Variants in ASB9 observed in about 807,000 individuals in gnomAD.
ASB9 encodes ankyrin repeat and SOCS box protein 9.
ASB9 carries 5 observed loss-of-function variants against 16.6 expected under a neutral mutation model. That is an observed-to-expected ratio of 0.30 (90% CI 0.16 to 0.63). The LOEUF is 0.63. ASB9 is among the 30% of genes least tolerant of loss of function. The probability of loss-of-function intolerance (pLI) is 0.82; values close to 1 mark genes in which losing one functional copy is unlikely to be tolerated. For synonymous variants in ASB9, 100 were observed against 86.4 expected (o/e 1.16, Z -0.87); for missense variants, 216 against 229.4 (o/e 0.94, Z 0.38).
At chrX:15,263,624 C>T (rs1254131100) in intron 1 of ASB9, among the ~76,000 whole-genome samples, 1 of 108,280 alleles carries the variant, frequency 9.2e-6, no homozygotes, top group Non-Finnish European at 1.9e-5. Flanking sequence ...ATAAAGCTGC[C>T]TTCTCCAAAG....
At chrX:15,265,202 A>G (rs1312508437) in intron 1 of ASB9, among the ~76,000 whole-genome samples, 1 of 111,344 alleles carries the variant, frequency 9.0e-6, no homozygotes, top group Non-Finnish European at 1.9e-5. Flanking sequence ...CTAACCTGTG[A>G]TCGTTCCTAA....
At chrX:15,247,617 T>A (rs541582640) in intron 6 of ASB9, among the ~76,000 whole-genome samples, 7 of 112,993 alleles carry the variant, frequency 6.2e-5, no homozygotes, top group Middle Eastern at 4.6e-3. Flanking sequence ...ATTCATTTTT[T>A]ATTCTGATTG....
chrX:15,258,798 T>G, intron 2 of ASB9, 68 bp downstream of exon 2: 2 of 885,841 alleles, frequency 2.3e-6, no homozygotes, highest in South Asian at 4.2e-5. Flanking sequence ...AGTCCCTATG[T>G]TATTATGTCA....
At chrX:15,246,404 A>C (rs1450109894) in intron 6 of ASB9, among the ~76,000 whole-genome samples, 1 of 112,098 alleles carries the variant, frequency 8.9e-6, no homozygotes, top group Non-Finnish European at 1.9e-5. Context: ...AAACCAGCTA[A>C]TTGTGTATTT....
At chrX:15,270,118 C>G (rs1404594188), upstream of ASB9, 1 of 249,268 alleles carries the variant, frequency 4.0e-6, no homozygotes, top group African/African-American at 3.5e-5. Context: ...ACACGTTTTA[C>G]CTAACTGGCT....
At chrX:15,262,860 G>C (rs1926086673) in intron 1 of ASB9, among the ~76,000 whole-genome samples, 1 of 112,166 alleles carries the variant, frequency 8.9e-6, no homozygotes, top group African/African-American at 3.2e-5. Flanking sequence ...TCCAACTCCT[G>C]ACCTCAAGTG....
chrX:15,249,057 C>A, intron 5 of ASB9, 122 bp from the exon 6 acceptor site: 1 of 683,982 alleles, frequency 1.5e-6, no homozygotes, highest in Non-Finnish European at 2.1e-6. Flanking sequence ...CACAGCAATC[C>A]TGGAAAAATG....
At chrX:15,266,580 G>A (rs975410463) in intron 1 of ASB9, among the ~76,000 whole-genome samples, 5 of 111,734 alleles carry the variant, frequency 4.5e-5, no homozygotes, top group Non-Finnish European at 9.4e-5. Context: ...CAAGCACCAT[G>A]CCTTTGCGTA....
intron 1 of ASB9, among the ~76,000 whole-genome samples, chrX:15,261,036 G>T: frequency 9.0e-6 from 1 of 111,656 alleles, no homozygotes. Context: ...AAGTGAAATG[G>T]CTTTTCGTAC....
rs183391609 is a variant in ASB9, at chrX:15,256,756, C to G, written c.175-1912G>C. On this transcript the variant is annotated intron_variant, in intron 2 of 6. Transcript: ENST00000380488. ...TGGCGCCACTGCACTCCAGCCTGGG[C>G]GACAGCAAGACTCCGTCTCAAAAAA... is the stretch of plus-strand genomic sequence containing the variant. Among the ~76,000 whole-genome samples the G allele has an allele frequency of 3.0e-4, 23 of 77,392 alleles. No individual in the cohort carries two copies. The East Asian group carries it at 9.3e-3, about 31-fold the overall frequency. The allele number at this position is 77,392 out of a possible 115,157, so 67.2% of individuals were successfully genotyped here.
At chrX:15,249,974 G>A (rs997485294) in intron 5 of ASB9, among the ~76,000 whole-genome samples, 24 of 111,955 alleles carry the variant, frequency 2.1e-4, no homozygotes. Flanking sequence ...AGAAATAAGG[G>A]TACATAGGCC....
Position 15,252,363 on chromosome X carries a change from A to G in ASB9, c.324T>C (p.Asn108=), listed in dbSNP as rs780611179. 1.7e-6 allele frequency: 2 copies of G among 1,211,091 alleles called. No individual in the cohort carries two copies. The highest frequency in any genetic ancestry group is 2.2e-6 in the Non-Finnish European group (2 of 895,247). ...AATCCCAGCTGCCGCTGACACAAGCATTAAACAGTGGAGTGTGCCAGTCTG... is the reference window on the plus strand; with the variant it reads ...AATCCCAGCTGCCGCTGACACAAGCGTTAAACAGTGGAGTGTGCCAGTCTG... ...VTADWHTPLF[N]ACVSGSWDCV... is the part of the protein sequence containing the mutation. The change falls in exon 4 of 7, where the codon AAT becomes AAC. Residue 108 remains asparagine (N), a synonymous_variant. Transcript: ENST00000380488.
chrX:15,270,062 A>G lies in ASB9; in HGVS notation c.-188T>C. 2.7e-6 allele frequency: 1 copy of G among 372,001 alleles called. No individual in the cohort carries two copies. Among genetic ancestry groups the G allele is most frequent in the East Asian group, 4.6e-5 (1 of 21,537 alleles). The allele number at this position is 372,001 out of a possible 1,213,427, so 30.7% of individuals were successfully genotyped here. The stretch of plus-strand genomic sequence containing the variant: ...TAATCTGAGTGCTACCTGTGATCAG[A>G]GAGAGGCATGCGCTCGTGTACACAC... On this transcript the variant is annotated 5_prime_UTR_variant, in exon 1 of 7. Transcript: ENST00000380488.
chrX:15,258,930 C>A lies in ASB9; in HGVS notation c.110G>T (p.Trp37Leu). ...NPLMGDAVSDWSPMHEAAIHG... is the reference protein window; with the variant it reads ...NPLMGDAVSDLSPMHEAAIHG... ...GATTGCAGCTTCATGCATAGGAGAC[C>A]AATCAGACACAGCATCTGTATGGAA... Residue 37 changes from tryptophan (W) to leucine (L), a missense_variant, in exon 2 of 7, where the codon TGG becomes TTG. By Grantham distance (61) the Trp-to-Leu change is moderately conservative. Coordinates refer to ENST00000380488, the MANE Select transcript of ASB9 (RefSeq NM_001031739.3). 8.3e-7 allele frequency: 1 copy of A among 1,206,171 alleles called. No homozygotes were observed. The highest frequency in any genetic ancestry group is 1.1e-6 in the Non-Finnish European group (1 of 890,793).
intron 1 of ASB9, among the ~76,000 whole-genome samples, chrX:15,260,335 T>C (rs1385105828): frequency 9.0e-6 from 1 of 111,171 alleles, no homozygotes; most frequent in Non-Finnish European, 1.9e-5. Context: ...GAGGCGGAGG[T>C]TGCAGTGAGC....
At chrX:15,249,791 A>T (rs910934179) in intron 5 of ASB9, among the ~76,000 whole-genome samples, 4 of 111,510 alleles carry the variant, frequency 3.6e-5, no homozygotes, top group Non-Finnish European at 7.5e-5. Context: ...GCATCTCTTA[A>T]TTCATAGCAA....
At position 15,269,916 on chromosome X, in the gene ASB9, G is replaced by A. The variant is rs193123788; in HGVS notation, c.-42C>T. 349 of 1,084,813 alleles carry A rather than the reference G, an allele frequency of 3.2e-4. No homozygotes were observed. Among genetic ancestry groups the A allele is most frequent in the Non-Finnish European group, 7.5e-5 (60 of 800,198 alleles). The allele number at this position is 1,084,813 out of a possible 1,213,427, so 89.4% of individuals were successfully genotyped here. A position where few individuals can be genotyped will look rare whatever the true frequency, so the allele number is the denominator to read the frequency against. On this transcript the variant is annotated 5_prime_UTR_variant, in exon 1 of 7. Coordinates refer to ENST00000380488, the MANE Select transcript of ASB9 (RefSeq NM_001031739.3). ...CGAGCAAGCTCTGCGCTCCACTTCA[G>A]TTGCTCAGCAAAGTCCAAACTCCAT...
At chrX:15,261,783 TGTATTGA>T (rs1266374663) in intron 1 of ASB9, among the ~76,000 whole-genome samples, 3 of 112,606 alleles carry the variant, frequency 2.7e-5, no homozygotes, top group African/African-American at 9.7e-5. Context: ...AGCAAGCAGC[TGTATTGA>T]GATATAATTC....
Position 15,244,289 on chromosome X carries a change from C to G in ASB9, c.*217G>C. The G allele has an allele frequency of 2.6e-6, 1 of 379,169 alleles. No homozygotes were observed. The highest frequency in any genetic ancestry group is 4.5e-6 in the Non-Finnish European group (1 of 224,297). The allele number at this position is 379,169 out of a possible 1,213,427, so 31.2% of individuals were successfully genotyped here. ...TCTTCATGCCTTCTAACTAATAATA[C>G]AAACGTATGCAGTGTCTTTCAACCC... On this transcript the variant is annotated 3_prime_UTR_variant, in exon 7 of 7. Coordinates refer to ENST00000380488, the MANE Select transcript of ASB9 (RefSeq NM_001031739.3).
Sources: allele counts gnomAD v4.1 joint callset (sites outside exome capture counted in the v4.1 genomes callset), GRCh38; gene constraint gnomAD v4.1.1; transcripts MANE v1.5; gene names NCBI Gene and HGNC (gene_info 2026-07-23, HGNC 2026-07-21).